SOX13: variants seen among roughly 807,000 people sequenced by gnomAD.
SOX13 encodes SRY-box transcription factor 13.
In SOX13, 28 loss-of-function variants were observed where a neutral mutation model predicts 71.8. That is an observed-to-expected ratio of 0.39 (90% CI 0.29 to 0.53). The LOEUF (loss-of-function observed/expected upper bound fraction) is 0.53, where lower values mean the gene tolerates loss of function less well. Ranked by LOEUF, SOX13 falls within the 20% of genes least tolerant of loss-of-function variation. The probability of loss-of-function intolerance (pLI) is 0.70; values close to 1 mark genes in which losing one functional copy is unlikely to be tolerated. For missense variants in SOX13, 627 were observed against 810.3 expected (o/e 0.77, Z 2.75); for synonymous variants, 309 against 317.8 (o/e 0.97, Z 0.29).
At position 204,125,969 on chromosome 1, in the gene SOX13, C is replaced by T. The variant is rs765721434; in HGVS notation, c.1704C>T (p.Asp568=). Residue 568 remains aspartate (D), a synonymous_variant, in exon 14 of 14, where the codon GAC becomes GAT. Transcript: ENST00000367204. The part of the protein sequence containing the change: ...LVEHYVPRSL[D]PNMPVIVNTC... ...AGCACTATGTCCCTCGTAGCCTGGA[C>T]CCCAACATGCCTGTGATCGTCAACA... 1 of 1,613,936 alleles carries T rather than the reference C, an allele frequency of 6.2e-7. No homozygotes were observed. The highest frequency in any genetic ancestry group is 1.1e-5 in the South Asian group (1 of 91,070).
chr1:204,109,408 G>T (rs745444192), intron 1 of SOX13, among the ~76,000 whole-genome samples: 1 of 152,206 alleles, frequency 6.6e-6, no homozygotes, highest in Admixed American at 6.5e-5. Flanking sequence ...TATTTTTGCT[G>T]TAGCTTTTCT....
intron 1 of SOX13, among the ~76,000 whole-genome samples, chr1:204,076,185 A>T (rs563769270): frequency 3.9e-5 from 6 of 152,198 alleles, no homozygotes; most frequent in Non-Finnish European, 7.3e-5. Context: ...TGTTCTCTCC[A>T]TGGAAATCAG....
intron 4 of SOX13, among the ~76,000 whole-genome samples, chr1:204,115,657 CTTTTTTTTTTTTTTT>C (rs771014997): frequency 4.4e-4 from 25 of 57,416 alleles, no homozygotes; most frequent in Middle Eastern, 0.016. Flanking sequence ...GCTTCTTCTT[CTTTTTTTTTTTTTTT>C]TTTTTTTTTT....
chr1:204,086,775 G>T (rs1571567948), intron 1 of SOX13, among the ~76,000 whole-genome samples: 1 of 152,290 alleles, frequency 6.6e-6, no homozygotes, highest in Middle Eastern at 3.4e-3. Context: ...CTTGTGGCAG[G>T]GTGATGGTAC....
intron 1 of SOX13, among the ~76,000 whole-genome samples, chr1:204,086,090 T>G (rs1656012823): frequency 6.6e-6 from 1 of 152,232 alleles, no homozygotes; most frequent in African/African-American, 2.4e-5. Flanking sequence ...AGTACATGTT[T>G]GTGAGCACAG....
At chr1:204,084,335 G>A (rs116256223) in intron 1 of SOX13, among the ~76,000 whole-genome samples, 1 of 152,138 alleles carries the variant, frequency 6.6e-6, no homozygotes, top group Non-Finnish European at 1.5e-5. Flanking sequence ...GCTGTGGGGG[G>A]TGCAGGATTG....
intron 1 of SOX13, among the ~76,000 whole-genome samples, chr1:204,102,497 T>G (rs1656379945): frequency 6.6e-6 from 1 of 152,022 alleles, no homozygotes; most frequent in African/African-American, 2.4e-5. Flanking sequence ...CTTGGCAGAT[T>G]TGTAGCCTTT....
At chr1:204,078,683 C>G (rs901332290) in intron 1 of SOX13, among the ~76,000 whole-genome samples, 1 of 152,148 alleles carries the variant, frequency 6.6e-6, no homozygotes, top group Admixed American at 6.5e-5. Context: ...TGGAGGATTG[C>G]TTTCCCTCTC....
intron 1 of SOX13, among the ~76,000 whole-genome samples, chr1:204,095,018 C>T (rs986681701): frequency 6.6e-6 from 1 of 152,180 alleles, no homozygotes; most frequent in Admixed American, 6.5e-5. Context: ...CTTCTATGAG[C>T]GCAGACCTTC....
chr1:204,122,396 C>T lies in SOX13; in HGVS notation c.1021C>T (p.Leu341=), dbSNP rs1233536162. Residue 341 remains leucine, a synonymous_variant, in exon 9 of 14, where the codon CTG becomes TTG. Transcript: ENST00000367204. ...DLQSSPPSLP[L]GFLGEGDAVT... ...GCAGTCCAGCCCCCCGAGCCTGCCT[C>T]TGGGTAAGCCTCCTGCTGCCTGCAC... 1 of 1,566,254 alleles carries T rather than the reference C, an allele frequency of 6.4e-7. No homozygotes were observed. Among genetic ancestry groups the T allele is most frequent in the Non-Finnish European group, 8.7e-7 (1 of 1,155,730 alleles).
chr1:204,076,131 C>T (rs992403896), intron 1 of SOX13, among the ~76,000 whole-genome samples: 3 of 152,130 alleles, frequency 2.0e-5, no homozygotes, highest in Non-Finnish European at 4.4e-5. Context: ...CATTTCATTC[C>T]CTCCTTTCCT....
chr1:204,079,464 G>A (rs1398724313), intron 1 of SOX13, among the ~76,000 whole-genome samples: 1 of 149,056 alleles, frequency 6.7e-6, no homozygotes, highest in African/African-American at 2.5e-5. Flanking sequence ...TCCTGCCTCA[G>A]CCTCCTGAGT....
In SOX13 at chr1:204,114,610, A is replaced by G. The variant is rs202210626; in HGVS notation, c.418+5A>G. 1.9e-6 allele frequency: 3 copies of G among 1,606,514 alleles called. No individual in the cohort carries two copies. The Admixed American group carries it at 5.0e-5, about 27-fold the overall frequency. ...TGGAAGCCAAAGATGTCAAAGGTGAAGGCCTGTTGGGGGTGGGGGAGATGT... is the reference window on the plus strand; with the variant it reads ...TGGAAGCCAAAGATGTCAAAGGTGAGGGCCTGTTGGGGGTGGGGGAGATGT... On this transcript the variant is annotated splice_donor_5th_base_variant and intron_variant, in intron 4 of 13. Coordinates refer to ENST00000367204, the MANE Select transcript of SOX13 (RefSeq NM_005686.3).
At chr1:204,096,495 C>T (rs976051247) in intron 1 of SOX13, among the ~76,000 whole-genome samples, 5 of 151,762 alleles carry the variant, frequency 3.3e-5, no homozygotes, top group Non-Finnish European at 5.9e-5. Flanking sequence ...CGGCTCACTG[C>T]AGCCTCCATC....
intron 5 of SOX13, 26 bp from the exon 6 acceptor site, chr1:204,117,096 C>T: frequency 6.2e-6 from 10 of 1,612,412 alleles, no homozygotes; most frequent in South Asian, 1.1e-5. Context: ...CCGTGACCCC[C>T]TCTGCCTACT....
Position 204,116,660 on chromosome 1 carries a change from C to T in SOX13, c.572C>T (p.Ala191Val), listed in dbSNP as rs1656700390. ...FEKQQQQMELARQQQEQIAKQ... is the reference protein window; with the variant it reads ...FEKQQQQMELVRQQQEQIAKQ... ...AAGCAGCAGCAGCAGATGGAGCTTG[C>T]CCGGCAGCAGCAGGAGCAGGTAGGT... The change falls in exon 5 of 14, where the codon GCC becomes GTC. Residue 191 changes from alanine (A) to valine (V), a missense_variant. Physicochemically the swap from Ala to Val is moderately conservative, Grantham distance 64. This residue lies in a region of SOX13 where 447 missense variants were observed against 532.2 expected (regional missense o/e 0.84). Coordinates refer to ENST00000367204, the MANE Select transcript of SOX13 (RefSeq NM_005686.3). 1 of 1,613,358 alleles carries T rather than the reference C, an allele frequency of 6.2e-7. No individual in the cohort carries two copies. The highest frequency in any genetic ancestry group is 8.5e-7 in the Non-Finnish European group (1 of 1,179,656).
At chr1:204,103,862 CTGTTGACCTCTTCTCGGTTTGGGACCT>C (rs1249239993) in intron 1 of SOX13, among the ~76,000 whole-genome samples, 2 of 152,248 alleles carry the variant, frequency 1.3e-5, no homozygotes, top group Admixed American at 6.5e-5. Context: ...CCTAGAGACA[CTGTTGACCTCTTCTCGGTTTGGGACCT>C]TCTGGAGGCA....
chr1:204,108,881 C>T (rs1011863280), intron 1 of SOX13, among the ~76,000 whole-genome samples: 1 of 152,202 alleles, frequency 6.6e-6, no homozygotes, highest in African/African-American at 2.4e-5. Context: ...GTCTGAAGTT[C>T]CTGAGAGGAA....
At chr1:204,112,389 C>T (rs1656595672) in intron 1 of SOX13, among the ~76,000 whole-genome samples, 2 of 151,038 alleles carry the variant, frequency 1.3e-5, no homozygotes, top group Non-Finnish European at 1.5e-5. Flanking sequence ...TGCAGTGAGC[C>T]GAGATCGTGC....
Sources: allele counts gnomAD v4.1 joint callset (sites outside exome capture counted in the v4.1 genomes callset), GRCh38; gene constraint gnomAD v4.1.1; regional missense constraint gnomAD v4.1.1; transcripts MANE v1.5; gene names NCBI Gene and HGNC (gene_info 2026-07-23, HGNC 2026-07-21).